INMT: variants seen among roughly 807,000 people sequenced by gnomAD.
The protein encoded by INMT is amine N-methyltransferase.
Under a neutral mutation model 11.5 loss-of-function variants are expected in INMT, and 11 were observed. That is an observed-to-expected ratio of 0.95 (90% CI 0.60 to 1.58). The LOEUF (loss-of-function observed/expected upper bound fraction) is 1.58. INMT is among the 40% of genes most tolerant of loss of function. INMT has a pLI of 0.00. For synonymous variants in INMT, 155 were observed against 142.9 expected, an observed-to-expected ratio of 1.08 and a Z score of -0.60; for missense variants, 316 against 336.1, an observed-to-expected ratio of 0.94 and a Z score of 0.47.
At position 30,754,047 on chromosome 7, in the gene INMT, T is replaced by A; in HGVS notation, c.362+109T>A. 2 of 1,103,380 alleles carry A rather than the reference T, an allele frequency of 1.8e-6. No individual in the cohort carries two copies. Among genetic ancestry groups the A allele is most frequent in the South Asian group, 1.5e-5 (1 of 67,018 alleles). The allele number at this position is 1,103,380 out of a possible 1,614,324, so 68.3% of individuals were successfully genotyped here. A position where few individuals can be genotyped will look rare whatever the true frequency, so the allele number is the denominator to read the frequency against. ...TTTTCAGGACAGTAGGACCTTCAGG[T>A]ATAGGACCAGATGTCCTGTGGTGGG... On this transcript the variant is annotated intron_variant, in intron 2 of 2. Transcript: ENST00000013222. This position sits in a 1 kb window ranked among gnomAD's most constrained non-coding sequence, Gnocchi z 4.9.
In INMT at chr7:30,756,621, T is replaced by G. The variant is rs1171552546; in HGVS notation, c.*770T>G. 6.6e-6 allele frequency: 1 copy of G among 152,154 alleles called. No individual in the cohort carries two copies. Among genetic ancestry groups the G allele is most frequent in the Non-Finnish European group, 1.5e-5 (1 of 68,060 alleles). The allele number at this position is 152,154 out of a possible 1,614,324, so 9.4% of individuals were successfully genotyped here. A position where few individuals can be genotyped will look rare whatever the true frequency, so the allele number is the denominator to read the frequency against. On this transcript the variant is annotated 3_prime_UTR_variant, in exon 3 of 3. Coordinates refer to ENST00000013222, the MANE Select transcript of INMT (RefSeq NM_006774.5). Reference sequence around the variant, plus strand: ...TGGGGTTTCACCGTGTTAGCCAGGATGGTCTCGATCTCCTGACCTGGTGAT... The same window carrying G: ...TGGGGTTTCACCGTGTTAGCCAGGAGGGTCTCGATCTCCTGACCTGGTGAT...
rs534954426 is a variant in INMT at position 30,755,445 on chromosome 7, A to G, written c.386A>G (p.Glu129Gly). Residue 129 changes from glutamate (E) to glycine (G), a missense_variant, in exon 3 of 3, where the codon GAG (glutamate) becomes GGG (glycine). Physicochemically the swap from Glu to Gly is moderately conservative, Grantham distance 98 (BLOSUM62 -2). Transcript: ENST00000013222. Reference sequence around the variant, plus strand: ...AGCGGCCGATGGGAGGAGAAGGAGGAGAAGCTGCGGGCAGCGGTGAAGCGG... The same window carrying G: ...AGCGGCCGATGGGAGGAGAAGGAGGGGAAGCTGCGGGCAGCGGTGAAGCGG... ...GNSGRWEEKEEKLRAAVKRVL... is the reference protein window; with the variant it reads ...GNSGRWEEKEGKLRAAVKRVL... 1.9e-6 allele frequency: 3 copies of G among 1,598,286 alleles called. 1 individual carries two copies. In the South Asian group the frequency reaches 3.3e-5, roughly 18 times the overall value.
In INMT at chr7:30,755,423, G is replaced by A. The variant is rs773637647; in HGVS notation, c.364G>A (p.Gly122Ser). ...KFACELEGNS[G>S]RWEEKEEKLR... The stretch of plus-strand genomic sequence containing the variant: ...CCGACTCCCTCTCTCTCTCTGCAGC[G>A]GCCGATGGGAGGAGAAGGAGGAGAA... The change falls in exon 3 of 3, where the codon GGC (glycine) becomes AGC (serine). Residue 122 changes from glycine to serine, a missense_variant and splice_region_variant. Gly to Ser is a moderately conservative substitution (Grantham distance 56). Coordinates refer to ENST00000013222, the MANE Select transcript of INMT (RefSeq NM_006774.5). 2.2e-5 allele frequency: 35 copies of A among 1,588,896 alleles called. No individual in the cohort carries two copies. Among genetic ancestry groups the A allele is most frequent in the East Asian group, 6.8e-5 (3 of 44,390 alleles).
rs774227443 is a variant in INMT at position 30,755,511 on chromosome 7, C to T, written c.452C>T (p.Pro151Leu). ...GTCCACCTGGGCAACCCGCTGGCCC[C>T]GGCTGTGTTGCCTCTCGCCGACTGT... is the stretch of plus-strand genomic sequence containing the variant. ...CDVHLGNPLAPAVLPLADCVL... is the reference protein window; with the variant it reads ...CDVHLGNPLALAVLPLADCVL... The change falls in exon 3 of 3, where the codon CCG becomes CTG. Residue 151 changes from proline (P) to leucine (L), a missense_variant. By Grantham distance (98) the Pro-to-Leu change is moderately conservative. Coordinates refer to ENST00000013222, the MANE Select transcript of INMT (RefSeq NM_006774.5). 3.9e-5 allele frequency: 62 copies of T among 1,607,548 alleles called. 1 individual carries two copies. In the East Asian group the frequency reaches 4.5e-4, roughly 12 times the overall value.
Position 30,753,868 on chromosome 7 carries a change from C to T in INMT, c.292C>T (p.Leu98=). 1 of 1,614,186 alleles carries T rather than the reference C, an allele frequency of 6.2e-7. No homozygotes were observed. The highest frequency in any genetic ancestry group is 8.5e-7 in the Non-Finnish European group (1 of 1,180,028). The change falls in exon 2 of 3, where the codon CTG becomes TTG. Residue 98 remains leucine (L), a synonymous_variant. Transcript: ENST00000013222. Reference sequence around the variant, plus strand: ...CAACCGGGAGGAGCTGGAAAAGTGGCTGAAGAAGGAGCCGGGGGCCTATGA... The same window carrying T: ...CAACCGGGAGGAGCTGGAAAAGTGGTTGAAGAAGGAGCCGGGGGCCTATGA... ...DRNREELEKW[L]KKEPGAYDWT... is the part of the protein sequence containing the mutation.
intron 1 of INMT, among the ~76,000 whole-genome samples, chr7:30,752,972 T>C (rs1786124513): frequency 6.6e-6 from 1 of 152,170 alleles, no homozygotes; most frequent in Non-Finnish European, 1.5e-5. Context: ...AGGGTGAGTC[T>C]CCTGGTGGTC....
chr7:30,755,815 C>T lies in INMT; in HGVS notation c.756C>T (p.Val252=). 1 of 1,613,122 alleles carries T rather than the reference C, an allele frequency of 6.2e-7. No individual in the cohort carries two copies. The highest frequency in any genetic ancestry group is 2.2e-5 in the East Asian group (1 of 44,856). The change falls in exon 3 of 3, where the codon GTC becomes GTT. Residue 252 remains valine, a synonymous_variant. Coordinates refer to ENST00000013222, the MANE Select transcript of INMT (RefSeq NM_006774.5). ...YSVTNAANNG[V]CFIVARKKPG... The stretch of plus-strand genomic sequence containing the variant: ...TCACCAATGCTGCCAACAATGGGGT[C>T]TGCTTCATTGTGGCTCGCAAGAAGC...
chr7:30,755,553 C>A lies in INMT; in HGVS notation c.494C>A (p.Ala165Asp). ...GCCGACTGTGTGCTCACCCTGCTGGCCATGGAGTGTGCCTGCTGTAGCCTT... is the reference window on the plus strand; with the variant it reads ...GCCGACTGTGTGCTCACCCTGCTGGACATGGAGTGTGCCTGCTGTAGCCTT... ...PLADCVLTLL[A>D]MECACCSLDA... is the part of the protein sequence containing the mutation. The change falls in exon 3 of 3, where the codon GCC becomes GAC. Residue 165 changes from alanine (A) to aspartate (D), a missense_variant. Coordinates refer to ENST00000013222, the MANE Select transcript of INMT (RefSeq NM_006774.5). The A allele has an allele frequency of 6.2e-7, 1 of 1,613,200 alleles. No homozygotes were observed.
chr7:30,756,402 A>ATTTTTTTTTTTTTTTT lies in INMT; in HGVS notation c.*555_*570dup, dbSNP rs58472657. 48 of 95,612 alleles carry ATTTTTTTTTTTTTTTT rather than the reference A, an allele frequency of 5.0e-4. No individual in the cohort carries two copies. The highest frequency in any genetic ancestry group is 1.9e-3 in the African/African-American group (42 of 22,378). 5.9% of individuals were successfully genotyped at this position (95,612 alleles called of 1,614,324 possible). A position where few individuals can be genotyped will look rare whatever the true frequency, so the allele number is the denominator to read the frequency against. On this transcript the variant is annotated 3_prime_UTR_variant, in exon 3 of 3. Transcript: ENST00000013222. ...AGGAGCTCGCCACCACACCCAGCTA[A>ATTTTTTTTTTTTTTTT]TTTTTTTTTTTTTTTTTTTATTTGA...
chr7:30,753,778 A>G lies in INMT; in HGVS notation c.202A>G (p.Ile68Val), dbSNP rs1562832345. The G allele has an allele frequency of 2.5e-6, 4 of 1,614,162 alleles. No homozygotes were observed. Residue 68 changes from isoleucine (I) to valine (V), a missense_variant, in exon 2 of 3, where the codon ATC becomes GTC. Coordinates refer to ENST00000013222, the MANE Select transcript of INMT (RefSeq NM_006774.5). ...TLIDIGSGPT[I>V]YQVLAACDSF... The stretch of plus-strand genomic sequence containing the variant: ...GATTGACATTGGCTCAGGTCCTACC[A>G]TCTACCAAGTTCTTGCTGCCTGTGA...
chr7:30,753,884 G>A lies in INMT; in HGVS notation c.308G>A (p.Gly103Glu). The change falls in exon 2 of 3, where the codon GGG (glycine) becomes GAG (glutamate). Residue 103 changes from glycine (G) to glutamate (E), a missense_variant. By Grantham distance (98) the Gly-to-Glu change is moderately conservative. Coordinates refer to ENST00000013222, the MANE Select transcript of INMT (RefSeq NM_006774.5). Reference protein sequence around the residue: ...ELEKWLKKEPGAYDWTPAVKF... With the variant: ...ELEKWLKKEPEAYDWTPAVKF... The stretch of plus-strand genomic sequence containing the variant: ...GAAAAGTGGCTGAAGAAGGAGCCGG[G>A]GGCCTATGACTGGACCCCAGCGGTG... 1 of 1,614,214 alleles carries A rather than the reference G, an allele frequency of 6.2e-7. No homozygotes were observed. The highest frequency in any genetic ancestry group is 2.2e-5 in the East Asian group (1 of 44,886).
In INMT at chr7:30,752,187, A is replaced by G; in HGVS notation, c.37A>G (p.Lys13Glu). The change falls in exon 1 of 3, where the codon AAG becomes GAG. Residue 13 changes from lysine to glutamate, a missense_variant. By Grantham distance (56) the Lys-to-Glu change is moderately conservative (BLOSUM62 1). Coordinates refer to ENST00000013222, the MANE Select transcript of INMT (RefSeq NM_006774.5). ...CTTCACTGGGGGTGATGAGTACCAG[A>G]AGCACTTCCTGCCCAGGGACTACTT... ...GGFTGGDEYQ[K>E]HFLPRDYLAT... 6.2e-7 allele frequency: 1 copy of G among 1,614,032 alleles called. No homozygotes were observed. Among genetic ancestry groups the G allele is most frequent in the Admixed American group, 1.7e-5 (1 of 60,010 alleles).
chr7:30,754,425 G>A lies in INMT; in HGVS notation c.362+487G>A, dbSNP rs572573480. ...CACCTATCCATCCATCTATCCATCC[G>A]TCCATTCATCCATCCATCAATATTC... On this transcript the variant is annotated intron_variant, in intron 2 of 2. Transcript: ENST00000013222. The surrounding 1 kb of genome is among the most constrained non-coding windows in gnomAD (Gnocchi z 4.9). Among the ~76,000 whole-genome samples, 19 of 141,916 alleles carry A rather than the reference G, an allele frequency of 1.3e-4. No homozygotes were observed. The highest frequency in any genetic ancestry group is 4.0e-4 in the African/African-American group (15 of 37,366). 93.1% of individuals were successfully genotyped at this position (141,916 alleles called of 152,430 possible).
At position 30,755,503 on chromosome 7, in the gene INMT, G is replaced by C. The variant is rs34640571; in HGVS notation, c.444G>C (p.Pro148=). ...VLKCDVHLGN[P]LAPAVLPLAD... Reference sequence around the variant, plus strand: ...AGTGCGATGTCCACCTGGGCAACCCGCTGGCCCCGGCTGTGTTGCCTCTCG... The same window carrying C: ...AGTGCGATGTCCACCTGGGCAACCCCCTGGCCCCGGCTGTGTTGCCTCTCG... The change falls in exon 3 of 3, where the codon CCG becomes CCC. Residue 148 remains proline (P), a synonymous_variant. Transcript: ENST00000013222. 3.7e-5 allele frequency: 60 copies of C among 1,605,768 alleles called. No individual in the cohort carries two copies. The highest frequency in any genetic ancestry group is 4.7e-5 in the Non-Finnish European group (55 of 1,179,980).
In INMT at chr7:30,752,659, G is replaced by A. The variant is rs187154217; in HGVS notation, c.154+355G>A. Among the ~76,000 whole-genome samples, 700 of 152,340 alleles carry A rather than the reference G, an allele frequency of 4.6e-3. 5 individuals are homozygous for A. Among genetic ancestry groups the A allele is most frequent in the African/African-American group, 0.016 (661 of 41,578 alleles). On this transcript the variant is annotated intron_variant, in intron 1 of 2. Transcript: ENST00000013222. ...GCCTCTGGGGCCCCCAGAAGGCCAA[G>A]GGCAAACAGCAGGGTTGCAGTGGGA...
Position 30,756,082 on chromosome 7 carries a change from A to T in INMT, c.*231A>T. On this transcript the variant is annotated 3_prime_UTR_variant, in exon 3 of 3. Coordinates refer to ENST00000013222, the MANE Select transcript of INMT (RefSeq NM_006774.5). ...TCCATTTTCTAATATACTAAGCCTT[A>T]CAGCTATCTTAGATGCGATCTGACT... 1 of 1,349,290 alleles carries T rather than the reference A, an allele frequency of 7.4e-7. No homozygotes were observed. The highest frequency in any genetic ancestry group is 9.5e-7 in the Non-Finnish European group (1 of 1,051,290). The allele number at this position is 1,349,290 out of a possible 1,614,324, so 83.6% of individuals were successfully genotyped here.
intron 2 of INMT, among the ~76,000 whole-genome samples, chr7:30,755,183 C>T (rs1179606817): frequency 6.6e-6 from 1 of 152,184 alleles, no homozygotes; most frequent in Non-Finnish European, 1.5e-5. Flanking sequence ...GAAGGGGGCT[C>T]ACATGGAATC....
rs755230366 is a variant in INMT, at chr7:30,752,249, C to T, written c.99C>T (p.Pro33=). Residue 33 remains proline (P), a synonymous_variant, in exon 1 of 3, where the codon CCC becomes CCT. Coordinates refer to ENST00000013222, the MANE Select transcript of INMT (RefSeq NM_006774.5). ...ACAGCTTCGATGGCAGCCCCTCACCCGAGGCCGAGATGCTGAAGTTTAACT... is the reference window on the plus strand; with the variant it reads ...ACAGCTTCGATGGCAGCCCCTCACCTGAGGCCGAGATGCTGAAGTTTAACT... The part of the protein sequence containing the change: ...TYYSFDGSPS[P]EAEMLKFNLE... 2.4e-5 allele frequency: 39 copies of T among 1,614,008 alleles called. No individual in the cohort carries two copies. Among genetic ancestry groups the T allele is most frequent in the African/African-American group, 6.7e-5 (5 of 74,890 alleles).
rs1786274743 is a variant in INMT at position 30,756,803 on chromosome 7, C to G, written c.*952C>G. 6.6e-6 allele frequency: 1 copy of G among 152,284 alleles called. No individual in the cohort carries two copies. The highest frequency in any genetic ancestry group is 2.1e-4 in the South Asian group (1 of 4,834). 9.4% of individuals were successfully genotyped at this position (152,284 alleles called of 1,614,324 possible). ...TAAATACTCCCACCATGGTTGATTTCAAGCCACCAGTGGTTTAATAACCAG... is the reference window on the plus strand; with the variant it reads ...TAAATACTCCCACCATGGTTGATTTGAAGCCACCAGTGGTTTAATAACCAG... On this transcript the variant is annotated 3_prime_UTR_variant, in exon 3 of 3. Transcript: ENST00000013222.
Sources: gnomAD v4.1 joint callset for allele counts (sites outside exome capture counted in the v4.1 genomes callset) on GRCh38, gnomAD v4.1.1 for gene constraint, Gnocchi (gnomAD v3.1) non-coding constraint, MANE v1.5 for transcripts, NCBI Gene and HGNC (gene_info 2026-07-23, HGNC 2026-07-21) for gene names.